The following RBM33 variants were observed in gnomAD, a reference collection of about 807,000 sequenced individuals.
RBM33 encodes the protein RNA binding motif protein 33.
RBM33 carries 28 observed loss-of-function variants against 132.6 expected under a neutral mutation model. That is an observed-to-expected ratio of 0.21 (90% CI 0.16 to 0.29). The LOEUF (loss-of-function observed/expected upper bound fraction) is 0.29, where lower values mean the gene tolerates loss of function less well. RBM33 is among the 10% of genes least tolerant of loss of function. The pLI is 1.00. For synonymous variants in RBM33, 634 were observed against 593.0 expected (o/e 1.07, Z -1.01); for missense variants, 1,291 against 1,518.5 (o/e 0.85, Z 2.49).
intron 6 of RBM33, among the ~76,000 whole-genome samples, chr7:155,704,662 C>T (rs1033218179): frequency 2.0e-5 from 3 of 152,146 alleles, no homozygotes; most frequent in Non-Finnish European, 4.4e-5. Flanking sequence ...AGAAAGACTG[C>T]ATTTATTTTT....
At chr7:155,722,097 T>C (rs897633976) in intron 9 of RBM33, among the ~76,000 whole-genome samples, 19 of 152,250 alleles carry the variant, frequency 1.2e-4, no homozygotes, top group Non-Finnish European at 2.5e-4. Context: ...GTTACAGATA[T>C]GCACGTTAGT....
intron 12 of RBM33, among the ~76,000 whole-genome samples, chr7:155,740,268 A>G (rs1801287084): frequency 1.3e-5 from 2 of 152,212 alleles, no homozygotes; most frequent in South Asian, 4.1e-4. Flanking sequence ...ATATTTACTT[A>G]AGCATCTTTC....
In RBM33 at chr7:155,680,604, C is replaced by T; in HGVS notation, c.263C>T (p.Thr88Ile). ...DEENFSSQGV[T>I]ISLNATSGMV... ...GTCCTCTCTAGTTCTCAGGGTGTTA[C>T]AATTAGTCTGAATGCTACATCTGGC... The change falls in exon 5 of 18, where the codon ACA becomes ATA. Residue 88 changes from threonine to isoleucine, a missense_variant. By Grantham distance (89) the Thr-to-Ile change is moderately conservative (BLOSUM62 -1). Coordinates refer to ENST00000401878, the MANE Select transcript of RBM33 (RefSeq NM_053043.3). The T allele has an allele frequency of 6.3e-7, 1 of 1,596,856 alleles. No individual in the cohort carries two copies.
intron 16 of RBM33, among the ~76,000 whole-genome samples, chr7:155,773,126 A>G (rs778529359): frequency 6.6e-6 from 1 of 152,108 alleles, no homozygotes; most frequent in East Asian, 1.9e-4. Context: ...GTAGTTAGTT[A>G]TTTTCTCTAG....
chr7:155,755,347 C>G (rs1257557900), intron 14 of RBM33, among the ~76,000 whole-genome samples: 2 of 152,214 alleles, frequency 1.3e-5, no homozygotes, highest in Non-Finnish European at 2.9e-5. Flanking sequence ...TATCAAATGT[C>G]TGTCATGAGT....
At position 155,685,231 on chromosome 7, in the gene RBM33, C is replaced by T. The variant is rs530913128; in HGVS notation, c.567+4323C>T. Among the ~76,000 whole-genome samples the T allele has an allele frequency of 7.2e-5, 11 of 152,242 alleles. No individual in the cohort carries two copies. In the East Asian group the frequency reaches 7.7e-4, roughly 11 times the overall value. ...GTGAGTTCTGGTGTGCTGTGATTTC[C>T]GCATAGCGTGTGCCGTTTAAGTGTT... is the stretch of plus-strand genomic sequence containing the variant. On this transcript the variant is annotated intron_variant, in intron 5 of 17. Coordinates refer to ENST00000401878, the MANE Select transcript of RBM33 (RefSeq NM_053043.3).
chr7:155,737,432 T>C (rs974761498), intron 9 of RBM33, 98 bp from the exon 10 acceptor site: 2 of 1,307,306 alleles, frequency 1.5e-6, no homozygotes, highest in Admixed American at 6.2e-5. Flanking sequence ...TACTTGACAT[T>C]TTTGAGGAAA....
At position 155,763,914 on chromosome 7, in the gene RBM33, A is replaced by G. The variant is rs562548927; in HGVS notation, c.3082A>G (p.Arg1028Gly). ...PQPARKVTLT[R>G]GGLQQPPHLP... ...GCCTGCCCGCAAGGTGACGCTGACC[A>G]GGGGGGGCCTCCAGCAGCCCCCACA... Residue 1028 changes from arginine (R) to glycine (G), a missense_variant, in exon 15 of 18, where the codon AGG becomes GGG. This residue lies in a region of RBM33 where 841 missense variants were observed against 912.0 expected (regional missense o/e 0.92). Transcript: ENST00000401878. 7 of 1,607,846 alleles carry G rather than the reference A, an allele frequency of 4.4e-6. No individual in the cohort carries two copies. The East Asian group carries it at 1.1e-4, about 26-fold the overall frequency.
intron 1 of RBM33, among the ~76,000 whole-genome samples, chr7:155,651,085 C>A (rs1017512816): frequency 6.6e-6 from 1 of 152,148 alleles, no homozygotes; most frequent in Non-Finnish European, 1.5e-5. Flanking sequence ...GCCACGTTGG[C>A]CAGGCTGGTC....
intron 5 of RBM33, among the ~76,000 whole-genome samples, chr7:155,700,545 C>CTTT (rs1563150189): frequency 1.2e-5 from 1 of 82,802 alleles, no homozygotes; most frequent in Non-Finnish European, 2.4e-5. Flanking sequence ...AAGAATTTGA[C>CTTT]CTTTTTTTTT....
intron 5 of RBM33, among the ~76,000 whole-genome samples, chr7:155,696,085 C>CTCT (rs1234669094): frequency 2.6e-5 from 4 of 152,160 alleles, no homozygotes; most frequent in Non-Finnish European, 4.4e-5. Context: ...CTTTCTGGTT[C>CTCT]TCTTTTCTGT....
intron 5 of RBM33, among the ~76,000 whole-genome samples, chr7:155,699,274 C>T (rs780204936): frequency 2.3e-4 from 35 of 152,198 alleles, no homozygotes; most frequent in Non-Finnish European, 3.4e-4. Context: ...GAAATGTTGG[C>T]GTCACCTGGG....
At chr7:155,747,333 T>C (rs987290782) in intron 14 of RBM33, among the ~76,000 whole-genome samples, 3 of 152,356 alleles carry the variant, frequency 2.0e-5, no homozygotes, top group Admixed American at 2.0e-4. Flanking sequence ...TGTCTCATTC[T>C]TTTACTTGTG....
Position 155,774,879 on chromosome 7 carries a change from A to C in RBM33, c.3465-114A>C, listed in dbSNP as rs1802552442. 1.1e-6 allele frequency: 1 copy of C among 940,744 alleles called. No homozygotes were observed. Among genetic ancestry groups the C allele is most frequent in the East Asian group, 2.4e-5 (1 of 40,940 alleles). The allele number at this position is 940,744 out of a possible 1,614,324, so 58.3% of individuals were successfully genotyped here. A position where few individuals can be genotyped will look rare whatever the true frequency, so the allele number is the denominator to read the frequency against. On this transcript the variant is annotated intron_variant, in intron 17 of 17. Coordinates refer to ENST00000401878, the MANE Select transcript of RBM33 (RefSeq NM_053043.3). The surrounding 1 kb of genome is among the most constrained non-coding windows in gnomAD (Gnocchi z 4.2). ...CTTCCCGGGGAATCTGCCTTTTTAT[A>C]TGATGCGTTTTTATTAAACAGGACC...
chr7:155,686,406 A>G (rs1387993163), intron 5 of RBM33, among the ~76,000 whole-genome samples: 1 of 152,176 alleles, frequency 6.6e-6, no homozygotes, highest in African/African-American at 2.4e-5. Context: ...CCAGGTGGTA[A>G]ATAGTTGAGA....
intron 9 of RBM33, among the ~76,000 whole-genome samples, chr7:155,730,927 C>T (rs1490265468): frequency 6.6e-6 from 1 of 152,118 alleles, no homozygotes; most frequent in East Asian, 1.9e-4. Context: ...GCTTAGAGAC[C>T]TAAGAGGTGA....
intron 3 of RBM33, among the ~76,000 whole-genome samples, chr7:155,673,940 G>GTTGTTGTTTGTGTTTTTTTTTTTT: frequency 1.8e-5 from 1 of 54,214 alleles, no homozygotes; most frequent in Non-Finnish European, 3.2e-5. Flanking sequence ...TTTAGGCTTA[G>GTTGTTGTTTGTGTTTTTTTTTTTT]TTTTTTTTTT....
chr7:155,716,184 C>T (rs1028745182), intron 8 of RBM33, among the ~76,000 whole-genome samples: 17 of 152,296 alleles, frequency 1.1e-4, no homozygotes, highest in East Asian at 3.9e-4. Flanking sequence ...AGGGAGAGCC[C>T]GCAGACACAT....
intron 5 of RBM33, among the ~76,000 whole-genome samples, chr7:155,693,701 CT>C (rs952513644): frequency 1.3e-5 from 2 of 149,994 alleles, no homozygotes; most frequent in Non-Finnish European, 3.0e-5. Flanking sequence ...ATGTGCTGGT[CT>C]TTTCCACTAG....
Sources: gnomAD v4.1 joint callset for allele counts (sites outside exome capture counted in the v4.1 genomes callset) on GRCh38, gnomAD v4.1.1 for gene constraint, gnomAD v4.1.1 regional missense constraint, Gnocchi (gnomAD v3.1) non-coding constraint, MANE v1.5 for transcripts, NCBI Gene and HGNC (gene_info 2026-07-23, HGNC 2026-07-21) for gene names.